The following GAPVD1 variants were observed in gnomAD, a reference collection of about 807,000 sequenced individuals.
The protein encoded by GAPVD1 is GTPase activating protein and VPS9 domains 1, also known as GTPase-activating protein and VPS9 domain-containing protein 1.
A neutral mutation model predicts 155.5 loss-of-function variants in GAPVD1; 35 were observed. The ratio of observed to expected loss-of-function variants is 0.23; its 90% CI spans 0.17 to 0.30. The LOEUF (loss-of-function observed/expected upper bound fraction) is 0.30. Among genes scored for constraint, GAPVD1 ranks in the 10% least tolerant of loss-of-function variants. The pLI is 1.00. For synonymous variants in GAPVD1, 636 were observed against 619.7 expected (o/e 1.03, Z -0.39); for missense variants, 1,429 against 1,775.7 (o/e 0.80, Z 3.51).
chr9:125,273,178 A>G (rs1038167314), intron 2 of GAPVD1, among the ~76,000 whole-genome samples: 1 of 152,210 alleles, frequency 6.6e-6, no homozygotes, highest in Non-Finnish European at 1.5e-5. Context: ...CACTCATACA[A>G]TTAATGGAGG....
rs779879774 is a variant in GAPVD1, at chr9:125,354,852, A to G, written c.3757+11A>G. On this transcript the variant is annotated intron_variant, in intron 24 of 27. Transcript: ENST00000297933. ...GGGAATTCATTCAAGGTAACTCAAT[A>G]CCTTTAGTTTAAGCATCTCTTCACC... is the stretch of plus-strand genomic sequence containing the variant. 3 of 1,577,676 alleles carry G rather than the reference A, an allele frequency of 1.9e-6. No individual in the cohort carries two copies. Among genetic ancestry groups the G allele is most frequent in the Non-Finnish European group, 1.7e-6 (2 of 1,146,918 alleles).
rs375857685 is a variant in GAPVD1 at position 125,349,441 on chromosome 9, T to G, written c.3221T>G (p.Leu1074Arg). The G allele has an allele frequency of 2.5e-6, 4 of 1,613,688 alleles. No individual in the cohort carries two copies. Among genetic ancestry groups the G allele is most frequent in the Admixed American group, 1.7e-5 (1 of 59,998 alleles). Residue 1074 changes from leucine (L) to arginine (R), a missense_variant, in exon 21 of 28, where the codon CTG (leucine) becomes CGG (arginine). This residue lies in a region of GAPVD1 where 699 missense variants were observed against 826.0 expected (regional missense o/e 0.85). Coordinates refer to ENST00000297933, the MANE Select transcript of GAPVD1 (RefSeq NM_001282680.3). ...CATGATTCTCCCCGTGACGAAGCAC[T>G]GCAGAACATCTCGGCTGATGATCTC... ...SAHDSPRDEALQNISADDLPD... is the reference protein window; with the variant it reads ...SAHDSPRDEARQNISADDLPD...
At chr9:125,323,042 G>C (rs1844590446) in intron 10 of GAPVD1, among the ~76,000 whole-genome samples, 1 of 139,112 alleles carries the variant, frequency 7.2e-6, no homozygotes, top group Admixed American at 7.5e-5. Flanking sequence ...GATAGAGCGA[G>C]ACTCTCTCTA....
At chr9:125,323,757 CTG>C in intron 10 of GAPVD1, 39 bp from the exon 11 acceptor site, 1 of 1,607,548 alleles carries the variant, frequency 6.2e-7, no homozygotes, top group Non-Finnish European at 8.5e-7. Context: ...TGGCTCATGA[CTG>C]TTTTAAAAAG....
chr9:125,347,894 A>G (rs560692851), intron 20 of GAPVD1, among the ~76,000 whole-genome samples: 1 of 152,236 alleles, frequency 6.6e-6, no homozygotes, highest in South Asian at 2.1e-4. Context: ...AACTTCCTGT[A>G]TTTTTTTATT....
At chr9:125,312,701 A>C in intron 9 of GAPVD1, 89 bp downstream of exon 9, 1 of 875,784 alleles carries the variant, frequency 1.1e-6, no homozygotes, top group Non-Finnish European at 1.7e-6. Context: ...GGTGGCTTAT[A>C]AACAACAGAT....
intron 2 of GAPVD1, among the ~76,000 whole-genome samples, chr9:125,283,641 G>A (rs1837163470): frequency 6.6e-6 from 1 of 151,996 alleles, no homozygotes; most frequent in African/African-American, 2.4e-5. Context: ...GGGATTATAG[G>A]TCTGAGACAC....
chr9:125,321,549 A>C lies in GAPVD1; in HGVS notation c.1719A>C (p.Glu573Asp). 1 of 1,613,352 alleles carries C rather than the reference A, an allele frequency of 6.2e-7. No homozygotes were observed. The highest frequency in any genetic ancestry group is 8.5e-7 in the Non-Finnish European group (1 of 1,179,592). Reference sequence around the variant, plus strand: ...TTTCCCTCTGCAGTGATAATCTGGAAGGAATATCTGAAGGTGAAGGGTTAC... The same window carrying C: ...TTTCCCTCTGCAGTGATAATCTGGACGGAATATCTGAAGGTGAAGGGTTAC... Reference protein sequence around the residue: ...LRFSLCSDNLEGISEGPSNRS... With the variant: ...LRFSLCSDNLDGISEGPSNRS... The change falls in exon 10 of 28, where the codon GAA becomes GAC. Residue 573 changes from glutamate (E) to aspartate (D), a missense_variant. Around this residue, in one of 4 missense-constraint regions of GAPVD1, gnomAD observed 628 missense variants for 733.4 expected, o/e 0.86. Coordinates refer to ENST00000297933, the MANE Select transcript of GAPVD1 (RefSeq NM_001282680.3).
At chr9:125,355,217 T>TCCG (rs1849896938) in intron 24 of GAPVD1, among the ~76,000 whole-genome samples, 1 of 69,362 alleles carries the variant, frequency 1.4e-5, no homozygotes, top group African/African-American at 1.1e-4. Context: ...CCCTGGTAGC[T>TCCG]GCCTCAGCCT....
Position 125,333,442 on chromosome 9 carries a change from G to C in GAPVD1, c.2428+813G>C, listed in dbSNP as rs114876006. On this transcript the variant is annotated intron_variant, in intron 15 of 27. Transcript: ENST00000297933. ...TACTGGAAATACCAAAATGCTAGCA[G>C]TGGTTTTATATATTGGGTGTTAGGT... Among the ~76,000 whole-genome samples the C allele has an allele frequency of 5.9e-3, 893 of 151,006 alleles. 15 individuals are homozygous for C. The highest frequency in any genetic ancestry group is 0.02 in the African/African-American group (837 of 41,170).
At chr9:125,292,239 A>G (rs1313348295) in intron 2 of GAPVD1, among the ~76,000 whole-genome samples, 2 of 152,182 alleles carry the variant, frequency 1.3e-5, no homozygotes, top group African/African-American at 2.4e-5. Flanking sequence ...GTCTCAGCAA[A>G]CAAAACAAAA....
At chr9:125,336,896 G>T in intron 15 of GAPVD1, 122 bp from the exon 16 acceptor site, 2 of 598,866 alleles carry the variant, frequency 3.3e-6, no homozygotes, top group Non-Finnish European at 6.0e-6. Flanking sequence ...TTTCTGGTAT[G>T]CCTCTCAAGT....
chr9:125,274,215 A>G (rs1023891829), intron 2 of GAPVD1, among the ~76,000 whole-genome samples: 2 of 151,742 alleles, frequency 1.3e-5, no homozygotes, highest in East Asian at 3.9e-4. Flanking sequence ...ACGGGGTTTC[A>G]CCATGTTGGC....
intron 2 of GAPVD1, among the ~76,000 whole-genome samples, chr9:125,274,398 C>T (rs1274889831): frequency 6.6e-6 from 1 of 151,466 alleles, no homozygotes; most frequent in African/African-American, 2.4e-5. Flanking sequence ...CATGCACTTA[C>T]CATTTGATTT....
rs890863171 is a variant in GAPVD1, at chr9:125,330,227, G to A, written c.2173+9G>A. 6.4e-7 allele frequency: 1 copy of A among 1,567,706 alleles called. No homozygotes were observed. Among genetic ancestry groups the A allele is most frequent in the Non-Finnish European group, 8.7e-7 (1 of 1,155,892 alleles). On this transcript the variant is annotated intron_variant, in intron 13 of 27. Coordinates refer to ENST00000297933, the MANE Select transcript of GAPVD1 (RefSeq NM_001282680.3). ...ATTGCCAAGTGACTCAGGTTAGTATGCTGTCATTGTTTGCTTTTTCATTTA... is the reference window on the plus strand; with the variant it reads ...ATTGCCAAGTGACTCAGGTTAGTATACTGTCATTGTTTGCTTTTTCATTTA...
At chr9:125,345,707 T>C (rs1848430055) in intron 19 of GAPVD1, among the ~76,000 whole-genome samples, 1 of 152,186 alleles carries the variant, frequency 6.6e-6, no homozygotes, top group South Asian at 2.1e-4. Context: ...GATAACAACG[T>C]TTCTCTGTAA....
intron 2 of GAPVD1, among the ~76,000 whole-genome samples, chr9:125,285,504 C>T (rs1837531973): frequency 8.0e-6 from 1 of 125,516 alleles, no homozygotes; most frequent in South Asian, 2.5e-4. Flanking sequence ...GTTGTCCAAG[C>T]TGGAGTGTAG....
chr9:125,282,192 T>G (rs1484601977), intron 2 of GAPVD1, among the ~76,000 whole-genome samples: 2 of 152,228 alleles, frequency 1.3e-5, no homozygotes, highest in Non-Finnish European at 2.9e-5. Context: ...GGCAGGAGAA[T>G]CACTTGAACC....
At chr9:125,311,708 A>G (rs1588868955) in intron 8 of GAPVD1, among the ~76,000 whole-genome samples, 1 of 146,260 alleles carries the variant, frequency 6.8e-6, no homozygotes, top group African/African-American at 2.5e-5. Flanking sequence ...TTCATATAAA[A>G]TTTTCTTTAT....
Sources: gnomAD v4.1 joint callset for allele counts (sites outside exome capture counted in the v4.1 genomes callset) on GRCh38, gnomAD v4.1.1 for gene constraint, gnomAD v4.1.1 regional missense constraint, MANE v1.5 for transcripts, NCBI Gene and HGNC (gene_info 2026-07-23, HGNC 2026-07-21) for gene names.